The following ABCB5 variants were observed in gnomAD, a reference collection of about 807,000 sequenced individuals.
The protein encoded by ABCB5 is ATP-binding cassette sub-family B member 5.
A neutral mutation model predicts 144.2 loss-of-function variants in ABCB5; 155 were observed. That is an observed-to-expected ratio of 1.08 (90% CI 0.94 to 1.23). The LOEUF is 1.23. Ranked by LOEUF, ABCB5 falls within the 50% of genes most tolerant of loss-of-function variation. The pLI, the probability that ABCB5 is intolerant of heterozygous loss-of-function variation, is 0.00. For synonymous variants in ABCB5, 610 were observed against 528.6 expected (o/e 1.15, Z -2.11); for missense variants, 1,830 against 1,520.8 (o/e 1.20, Z -3.38).
At chr7:20,628,538 T>C (rs1224877846) in intron 3 of ABCB5, 150 bp from the exon 4 acceptor site, 7 of 716,930 alleles carry the variant, frequency 9.8e-6, no homozygotes, top group African/African-American at 5.4e-5. Context: ...TAAATACATA[T>C]CTATGATTTT....
intron 5 of ABCB5, among the ~76,000 whole-genome samples, 198 bp downstream of exon 5, chr7:20,632,311 G>C (rs1468257528): frequency 6.6e-6 from 1 of 151,992 alleles, no homozygotes; most frequent in East Asian, 1.9e-4. Context: ...AGGTGTATAG[G>C]TCATATGCTT....
At chr7:20,683,979 T>C (rs900503973) in intron 15 of ABCB5, among the ~76,000 whole-genome samples, 34 of 114 alleles carry the variant, frequency 0.3, no homozygotes, top group African/African-American at 0.44. Context: ...ATAGTTTTAG[T>C]CCTTGGCAAG....
At chr7:20,690,332 C>A (rs1311673834) in intron 16 of ABCB5, among the ~76,000 whole-genome samples, 1 of 152,102 alleles carries the variant, frequency 6.6e-6, no homozygotes, top group African/African-American at 2.4e-5. Flanking sequence ...TAATAATGAA[C>A]CACATTCATA....
intron 14 of ABCB5, among the ~76,000 whole-genome samples, chr7:20,679,982 GA>G (rs200853073): frequency 3.8e-4 from 58 of 150,834 alleles, no homozygotes; most frequent in Middle Eastern, 3.4e-3. Flanking sequence ...ATAGTAGGGG[GA>G]AAAAAAAACT....
intron 14 of ABCB5, among the ~76,000 whole-genome samples, chr7:20,668,734 C>A (rs1785327614): frequency 6.9e-6 from 1 of 144,026 alleles, no homozygotes; most frequent in Non-Finnish European, 1.5e-5. Context: ...GGGGGTCAGC[C>A]CCCCGCCCGG....
intron 13 of ABCB5, among the ~76,000 whole-genome samples, chr7:20,656,821 T>C (rs1171567264): frequency 6.6e-6 from 1 of 152,090 alleles, no homozygotes; most frequent in Non-Finnish European, 1.5e-5. Flanking sequence ...GCAGCTTTAT[T>C]TATAATAGCC....
chr7:20,661,115 A>G (rs148839160), intron 14 of ABCB5, among the ~76,000 whole-genome samples: 1 of 152,286 alleles, frequency 6.6e-6, no homozygotes, highest in Non-Finnish European at 1.5e-5. Context: ...TCAAATGAAA[A>G]TTTGGTGACA....
chr7:20,624,744 C>G (rs1219184471), intron 2 of ABCB5, among the ~76,000 whole-genome samples: 1 of 152,162 alleles, frequency 6.6e-6, no homozygotes, highest in Non-Finnish European at 1.5e-5. Flanking sequence ...AGTACTGGGC[C>G]ACCAACATCG....
intron 20 of ABCB5, among the ~76,000 whole-genome samples, chr7:20,713,972 T>C (rs977730524): frequency 3.3e-5 from 5 of 152,324 alleles, no homozygotes; most frequent in Non-Finnish European, 7.3e-5. Context: ...TCAGAGTCTA[T>C]TGGGCTCTTT....
At chr7:20,738,936 A>G in intron 23 of ABCB5, 47 bp from the exon 24 acceptor site, 4 of 1,523,596 alleles carry the variant, frequency 2.6e-6, no homozygotes, top group Non-Finnish European at 3.5e-6. Context: ...CTACTGTTTT[A>G]CAAAGGATCG....
chr7:20,678,125 T>A (rs1785673630), intron 14 of ABCB5, among the ~76,000 whole-genome samples: 1 of 152,240 alleles, frequency 6.6e-6, no homozygotes, highest in South Asian at 2.1e-4. Context: ...TATTAGTATA[T>A]TGATATATTT....
chr7:20,720,615 G>C (rs191981488), intron 20 of ABCB5, among the ~76,000 whole-genome samples: 1 of 152,004 alleles, frequency 6.6e-6, no homozygotes, highest in African/African-American at 2.4e-5. Context: ...TATCTGGCTC[G>C]CGATCTTCAA....
intron 20 of ABCB5, 101 bp from the exon 21 acceptor site, chr7:20,722,915 T>A: frequency 1.0e-6 from 1 of 961,538 alleles, no homozygotes; most frequent in Non-Finnish European, 1.6e-6. Context: ...TATAAATTCT[T>A]TTTTTAAAAA....
chr7:20,698,504 G>C lies in ABCB5; in HGVS notation c.2108G>C (p.Gly703Ala). The C allele has an allele frequency of 1.9e-6, 3 of 1,602,694 alleles. No homozygotes were observed. The highest frequency in any genetic ancestry group is 1.7e-6 in the Non-Finnish European group (2 of 1,176,324). ...GGGACATTGGCTTCTGTTCTAAATG[G>C]AACTGTTCATCCAGTATTTTCCATC... The part of the protein sequence containing the change: ...VLGTLASVLN[G>A]TVHPVFSIIF... Residue 703 changes from glycine (G) to alanine (A), a missense_variant, in exon 17 of 28, where the codon GGA becomes GCA. By Grantham distance (60) the Gly-to-Ala change is moderately conservative. Transcript: ENST00000404938.
At chr7:20,753,598 G>C (rs1052787108) in intron 27 of ABCB5, 92 bp downstream of exon 27, 13 of 1,421,620 alleles carry the variant, frequency 9.1e-6, no homozygotes, top group African/African-American at 1.4e-5. Context: ...AAAAACAAAG[G>C]CCTGGAAAGA....
chr7:20,669,181 A>G (rs1231729462), intron 14 of ABCB5, among the ~76,000 whole-genome samples: 1 of 147,004 alleles, frequency 6.8e-6, no homozygotes, highest in African/African-American at 2.6e-5. Context: ...CCCTACTGGG[A>G]AGTGAGGAGC....
chr7:20,712,947 C>T (rs1781536314), intron 20 of ABCB5, among the ~76,000 whole-genome samples: 1 of 149,582 alleles, frequency 6.7e-6, no homozygotes, highest in South Asian at 2.1e-4. Flanking sequence ...TTCAAGTTTA[C>T]AATACATTAT....
chr7:20,636,390 G>T (rs543054993), intron 5 of ABCB5, among the ~76,000 whole-genome samples: 1 of 152,106 alleles, frequency 6.6e-6, no homozygotes, highest in East Asian at 1.9e-4. Flanking sequence ...TCTATGTACA[G>T]TTATGTAAGG....
intron 14 of ABCB5, among the ~76,000 whole-genome samples, chr7:20,674,329 A>T (rs1229050598): frequency 6.6e-6 from 1 of 151,900 alleles, no homozygotes; most frequent in East Asian, 1.9e-4. Flanking sequence ...TTCAGCTGTC[A>T]TATGTTTTTG....
Sources: gnomAD v4.1 joint callset for allele counts (sites outside exome capture counted in the v4.1 genomes callset) on GRCh38, gnomAD v4.1.1 for gene constraint, MANE v1.5 for transcripts, NCBI Gene and HGNC (gene_info 2026-07-23, HGNC 2026-07-21) for gene names.